The following TANGO2 variants were observed in gnomAD, a reference collection of about 807,000 sequenced individuals.
TANGO2 encodes transport and Golgi organization protein 2 homolog.
In TANGO2, 26 loss-of-function variants were observed where a neutral mutation model predicts 39.1. The ratio of observed to expected loss-of-function variants is 0.67; its 90% confidence interval spans 0.49 to 0.92. The LOEUF (loss-of-function observed/expected upper bound fraction) is 0.92. Ranked by LOEUF, TANGO2 falls within the 40% of genes least tolerant of loss-of-function variation. The pLI is 0.00. For missense variants in TANGO2, 326 were observed against 360.1 expected, an observed-to-expected ratio of 0.91 and a Z score of 0.77; for synonymous variants, 131 against 144.5, an observed-to-expected ratio of 0.91 and a Z score of 0.67.
chr22:20,061,490 C>T (rs749568384), intron 6 of TANGO2, 40 bp from the exon 7 acceptor site: 116 of 1,564,070 alleles, frequency 7.4e-5, no homozygotes, highest in Non-Finnish European at 9.5e-5. Context: ...TGACATGGCA[C>T]AGCAGGGCCT....
At chr22:20,032,456 T>A (rs1280958174) in intron 1 of TANGO2, among the ~76,000 whole-genome samples, 1 of 152,258 alleles carries the variant, frequency 6.6e-6, no homozygotes, top group Non-Finnish European at 1.5e-5. Context: ...AGGGCAAGGC[T>A]GCTGACTGGA....
Position 20,064,699 on chromosome 22 carries a change from G to C in TANGO2, c.*37G>C. The stretch of plus-strand genomic sequence containing the variant: ...GGCCTGGCCAGTGGGCTCCTGGGGG[G>C]CCCTGCCTTGAGGGGCACTGTGGAC... On this transcript the variant is annotated 3_prime_UTR_variant, in exon 9 of 9. Transcript: ENST00000327374. 1 of 1,611,422 alleles carries C rather than the reference G, an allele frequency of 6.2e-7. No individual in the cohort carries two copies. The highest frequency in any genetic ancestry group is 8.5e-7 in the Non-Finnish European group (1 of 1,178,692).
upstream of TANGO2, among the ~76,000 whole-genome samples, chr22:20,020,877 A>G (rs971604533): frequency 3.9e-5 from 6 of 152,080 alleles, no homozygotes; most frequent in African/African-American, 1.4e-4. Flanking sequence ...GGAGTCCCCG[A>G]AGGCCGCTGG....
intron 2 of TANGO2, 187 bp downstream of exon 2, chr22:20,037,041 G>C: frequency 6.4e-7 from 1 of 1,554,394 alleles, no homozygotes. Flanking sequence ...TCGGGGCGGG[G>C]ACTCCAGTCA....
chr22:20,022,635 G>A (rs536549758), intron 1 of TANGO2, among the ~76,000 whole-genome samples: 3 of 152,362 alleles, frequency 2.0e-5, no homozygotes, highest in Non-Finnish European at 4.4e-5. Context: ...TTCTGATTAC[G>A]TTTTGCAGTG....
intron 4 of TANGO2, 180 bp from the exon 5 acceptor site, chr22:20,053,257 G>A (rs1317544972): frequency 1.6e-5 from 9 of 573,080 alleles, no homozygotes; most frequent in Non-Finnish European, 2.6e-5. Flanking sequence ...TTTCAGTGCC[G>A]ACCTGAGTGG....
intron 1 of TANGO2, among the ~76,000 whole-genome samples, chr22:20,028,019 G>C (rs992132114): frequency 6.6e-6 from 1 of 152,044 alleles, no homozygotes; most frequent in Non-Finnish European, 1.5e-5. Context: ...GGCTGGTCTT[G>C]AATTCCTGAC....
chr22:20,027,875 G>C (rs938487891), intron 1 of TANGO2, among the ~76,000 whole-genome samples: 6 of 151,904 alleles, frequency 3.9e-5, no homozygotes, highest in Non-Finnish European at 8.8e-5. Context: ...CTCGGTTCAC[G>C]GCGCCCTCCG....
rs750101840 is a variant in TANGO2 at position 20,053,653 on chromosome 22, T to C, written c.380+102T>C. On this transcript the variant is annotated intron_variant, in intron 5 of 8. Coordinates refer to ENST00000327374, the MANE Select transcript of TANGO2 (RefSeq NM_152906.7). ...GGTTCCACTGGGGGCTGTGGCAGCCTCTCCAGGGACGTTGCTCCTCGTGAC... is the reference window on the plus strand; with the variant it reads ...GGTTCCACTGGGGGCTGTGGCAGCCCCTCCAGGGACGTTGCTCCTCGTGAC... 5.1e-6 allele frequency: 4 copies of C among 778,132 alleles called. No individual in the cohort carries two copies. In the Admixed American group the frequency reaches 7.8e-5, roughly 15 times the overall value. The allele number at this position is 778,132 out of a possible 1,614,324, so 48.2% of individuals were successfully genotyped here.
intron 6 of TANGO2, chr22:20,056,870 T>G (rs1569324730): frequency 2.2e-6 from 1 of 456,650 alleles, no homozygotes. Context: ...CGTGGAACTC[T>G]GTGCCTTAAA....
At chr22:20,026,778 G>T (rs2040847252) in intron 1 of TANGO2, among the ~76,000 whole-genome samples, 1 of 152,238 alleles carries the variant, frequency 6.6e-6, no homozygotes, top group Admixed American at 6.5e-5. Context: ...ACCCTGGCGG[G>T]AACATTTCCC....
At chr22:20,036,737 T>G in intron 1 of TANGO2, 23 bp from the exon 2 acceptor site, 1 of 1,605,166 alleles carries the variant, frequency 6.2e-7, no homozygotes, top group Non-Finnish European at 8.5e-7. Flanking sequence ...TCCGCTCAAC[T>G]CAGTGTTTTC....
chr22:20,023,826 C>G (rs2040203682), intron 1 of TANGO2, among the ~76,000 whole-genome samples: 1 of 150,010 alleles, frequency 6.7e-6, no homozygotes, highest in African/African-American at 2.5e-5. Flanking sequence ...CCACTGCACT[C>G]CAGCCTGGGC....
chr22:20,047,800 G>A (rs1288061285), intron 3 of TANGO2, among the ~76,000 whole-genome samples: 1 of 152,046 alleles, frequency 6.6e-6, no homozygotes, highest in East Asian at 1.9e-4. Flanking sequence ...ATCTCATCTT[G>A]AATTATAGTT....
chr22:20,030,954 C>T (rs942706033), intron 1 of TANGO2, among the ~76,000 whole-genome samples: 18 of 151,858 alleles, frequency 1.2e-4, no homozygotes, highest in Admixed American at 8.5e-4. Context: ...AATACCAGCA[C>T]TTTGGGAGGC....
chr22:20,058,391 C>T (rs2047750925), intron 6 of TANGO2: 1 of 152,114 alleles, frequency 6.6e-6, no homozygotes, highest in Admixed American at 6.6e-5. Flanking sequence ...GCCTGTAATC[C>T]TAGCACTTTA....
intron 1 of TANGO2, among the ~76,000 whole-genome samples, chr22:20,024,058 G>T (rs1402390219): frequency 1.3e-5 from 2 of 151,918 alleles, no homozygotes; most frequent in African/African-American, 4.8e-5. Context: ...ATGGTGGCAG[G>T]TGCCTGTAAT....
At chr22:20,034,857 T>C (rs566627313) in intron 1 of TANGO2, among the ~76,000 whole-genome samples, 1 of 152,244 alleles carries the variant, frequency 6.6e-6, no homozygotes, top group Non-Finnish European at 1.5e-5. Flanking sequence ...CTGTCCTCTG[T>C]GGGCCACGCT....
At chr22:20,047,841 C>A (rs566347712) in intron 3 of TANGO2, 1 of 152,068 alleles carries the variant, frequency 6.6e-6, no homozygotes, top group Non-Finnish European at 1.5e-5. Flanking sequence ...TGGGAGAGAC[C>A]CAGTGGGAGG....
Sources: gnomAD v4.1 joint callset for allele counts (sites outside exome capture counted in the v4.1 genomes callset) on GRCh38, gnomAD v4.1.1 for gene constraint, MANE v1.5 for transcripts, NCBI Gene and HGNC (gene_info 2026-07-23, HGNC 2026-07-21) for gene names.